LGR5: variants seen among roughly 807,000 people sequenced by gnomAD.
LGR5 encodes the protein leucine-rich repeat-containing G protein-coupled receptor 5.
In LGR5, 54 loss-of-function variants were observed where a neutral mutation model predicts 76.7. The ratio of observed to expected loss-of-function variants is 0.70; its 90% confidence interval spans 0.57 to 0.88. The LOEUF (loss-of-function observed/expected upper bound fraction) is 0.88, where lower values mean the gene tolerates loss of function less well. Among genes scored for constraint, LGR5 ranks in the 40% least tolerant of loss-of-function variants. The pLI, the probability that LGR5 is intolerant of heterozygous loss-of-function variation, is 0.00. For synonymous variants in LGR5, 406 were observed against 421.9 expected, an observed-to-expected ratio of 0.96 and a Z score of 0.46; for missense variants, 1,078 against 1,073.3, an observed-to-expected ratio of 1.00 and a Z score of -0.06.
intron 8 of LGR5, 80 bp downstream of exon 8, chr12:71,561,932 A>G: frequency 1.2e-6 from 1 of 864,630 alleles, no homozygotes; most frequent in Non-Finnish European, 1.8e-6. Context: ...TGAATATTCT[A>G]TATTTGCCTG....
intron 1 of LGR5, among the ~76,000 whole-genome samples, chr12:71,493,114 T>C (rs1203479634): frequency 1.3e-5 from 2 of 151,366 alleles, no homozygotes; most frequent in Non-Finnish European, 2.9e-5. Context: ...AATCAGAAAC[T>C]AATTTATTTC....
rs1226960703 is a variant in LGR5 at position 71,566,624 on chromosome 12, C to A, written c.930-8C>A. 3 of 1,609,460 alleles carry A rather than the reference C, an allele frequency of 1.9e-6. No individual in the cohort carries two copies. Among genetic ancestry groups the A allele is most frequent in the Non-Finnish European group, 1.7e-6 (2 of 1,175,978 alleles). ...CTACCAGTAATACTTATATACTCCT[C>A]TTTCTAGGACTCTGAATGGTGCCTC... is the stretch of plus-strand genomic sequence containing the variant. On this transcript the variant is annotated splice_region_variant and splice_polypyrimidine_tract_variant and intron_variant, in intron 9 of 17. Transcript: ENST00000266674.
At position 71,440,120 on chromosome 12, in the gene LGR5, G is replaced by GTGC. The variant is rs1281260116; in HGVS notation, c.47_49dup (p.Leu16dup). 1 of 1,607,752 alleles carries GTGC rather than the reference G, an allele frequency of 6.2e-7. No individual in the cohort carries two copies. ...GCTCGGTGTGCTCCTGTCCTTGCCT[G>GTGC]TGCTGCTGCAGCTGGCGACCGGGGG... is the stretch of plus-strand genomic sequence containing the variant. On this transcript the variant is annotated inframe_insertion, in exon 1 of 18. Coordinates refer to ENST00000266674, the MANE Select transcript of LGR5 (RefSeq NM_003667.4). This position sits in a 1 kb window ranked among gnomAD's most constrained non-coding sequence, Gnocchi z 5.3.
intron 8 of LGR5, among the ~76,000 whole-genome samples, chr12:71,563,896 G>C (rs7296236): frequency 0.14 from 19,845 of 142,586 alleles, 2,375 homozygotes; most frequent in East Asian, 0.43. Flanking sequence ...TATATATACT[G>C]TGTGTATACA....
At chr12:71,536,450 G>T (rs1324974640) in intron 4 of LGR5, among the ~76,000 whole-genome samples, 9 of 152,290 alleles carry the variant, frequency 5.9e-5, no homozygotes, top group Admixed American at 4.6e-4. Flanking sequence ...AGCCCACAAG[G>T]GCCCCTTTGT....
intron 5 of LGR5, among the ~76,000 whole-genome samples, chr12:71,556,082 A>G (rs1877743431): frequency 6.6e-6 from 1 of 152,130 alleles, no homozygotes; most frequent in African/African-American, 2.4e-5. Context: ...AAAACCAAAT[A>G]CTGAATGTTC....
At chr12:71,574,310 A>AAAC (rs1878753047) in intron 13 of LGR5, among the ~76,000 whole-genome samples, 1 of 149,786 alleles carries the variant, frequency 6.7e-6, no homozygotes, top group African/African-American at 2.4e-5. Context: ...TCAAAAAAAA[A>AAAC]AAAAAAAAAA....
intron 11 of LGR5, among the ~76,000 whole-genome samples, chr12:71,568,377 C>T (rs1878448692): frequency 6.6e-6 from 1 of 152,190 alleles, no homozygotes; most frequent in African/African-American, 2.4e-5. Flanking sequence ...CCACTTCCTT[C>T]AGAGGGTTCT....
chr12:71,502,168 C>T (rs1019875788), intron 1 of LGR5, among the ~76,000 whole-genome samples: 4 of 149,828 alleles, frequency 2.7e-5, no homozygotes, highest in Non-Finnish European at 5.9e-5. Flanking sequence ...GTTATTAATT[C>T]CTGTTGGAAA....
chr12:71,505,700 C>A (rs1874817989), intron 2 of LGR5, among the ~76,000 whole-genome samples: 3 of 152,072 alleles, frequency 2.0e-5, no homozygotes, highest in Non-Finnish European at 4.4e-5. Flanking sequence ...AAATTTCTCC[C>A]CTCTGGAGTT....
chr12:71,560,455 G>A (rs1421512360), intron 7 of LGR5, among the ~76,000 whole-genome samples: 3 of 152,240 alleles, frequency 2.0e-5, no homozygotes, highest in East Asian at 3.9e-4. Flanking sequence ...TGTTTGTCTC[G>A]TTATCCCAGG....
chr12:71,544,589 G>T (rs550381734), intron 4 of LGR5, among the ~76,000 whole-genome samples: 3 of 148,644 alleles, frequency 2.0e-5, no homozygotes, highest in African/African-American at 4.9e-5. Flanking sequence ...TTATTGCAAA[G>T]AATTAATATA....
At chr12:71,491,732 A>G (rs1432946274) in intron 1 of LGR5, among the ~76,000 whole-genome samples, 1 of 150,210 alleles carries the variant, frequency 6.7e-6, no homozygotes, top group Non-Finnish European at 1.5e-5. Context: ...AAAGGCAAAC[A>G]AGTATTGGCT....
intron 4 of LGR5, among the ~76,000 whole-genome samples, chr12:71,545,754 T>A (rs143760693): frequency 2.0e-5 from 3 of 152,276 alleles, no homozygotes; most frequent in Non-Finnish European, 4.4e-5. Flanking sequence ...CAGATTTGTG[T>A]GATACATTGA....
chr12:71,535,131 C>A lies in LGR5; in HGVS notation c.373C>A (p.Gln125Lys). ...AACATACAGTATGCTGCAGAATAAT[C>A]AGCTAAGACACGTACCCACAGAAGC... ...SLKVLMLQNNQLRHVPTEALQ... is the reference protein window; with the variant it reads ...SLKVLMLQNNKLRHVPTEALQ... Residue 125 changes from glutamine (Q) to lysine (K), a missense_variant, in exon 4 of 18, where the codon CAG becomes AAG. Gln to Lys is a moderately conservative substitution (Grantham distance 53, BLOSUM62 1). Transcript: ENST00000266674. 1 of 1,610,806 alleles carries A rather than the reference C, an allele frequency of 6.2e-7. No individual in the cohort carries two copies. The highest frequency in any genetic ancestry group is 1.1e-5 in the South Asian group (1 of 90,962).
chr12:71,584,983 TCAAAAAAGCA>T lies in LGR5; in HGVS notation c.*250_*259del. 1 of 401,692 alleles carries T rather than the reference TCAAAAAAGCA, an allele frequency of 2.5e-6. No individual in the cohort carries two copies. Among genetic ancestry groups the T allele is most frequent in the Non-Finnish European group, 4.4e-6 (1 of 226,734 alleles). 24.9% of individuals were successfully genotyped at this position (401,692 alleles called of 1,614,324 possible). A position where few individuals can be genotyped will look rare whatever the true frequency, so the allele number is the denominator to read the frequency against. On this transcript the variant is annotated 3_prime_UTR_variant, in exon 18 of 18. Coordinates refer to ENST00000266674, the MANE Select transcript of LGR5 (RefSeq NM_003667.4). ...ATCACACTATTTAAGTGAGCCCAGATCAAAAAAGCAGATTGAAATTTTCTTTAGAAAAGAT... is the reference window on the plus strand; with the variant it reads ...ATCACACTATTTAAGTGAGCCCAGATGATTGAAATTTTCTTTAGAAAAGAT...
intron 13 of LGR5, 35 bp from the exon 14 acceptor site, chr12:71,577,890 T>A: frequency 7.4e-7 from 1 of 1,358,236 alleles, no homozygotes; most frequent in Non-Finnish European, 1.1e-6. Context: ...TTCTTTATTC[T>A]ATATAATTCT....
intron 1 of LGR5, among the ~76,000 whole-genome samples, chr12:71,468,841 A>C (rs1467630590): frequency 1.3e-5 from 2 of 151,852 alleles, no homozygotes; most frequent in African/African-American, 4.8e-5. Flanking sequence ...CTGTATTCAG[A>C]AGGTACTCAT....
chr12:71,528,392 G>A (rs965955268), intron 3 of LGR5, among the ~76,000 whole-genome samples: 9 of 152,086 alleles, frequency 5.9e-5, no homozygotes, highest in Non-Finnish European at 1.2e-4. Flanking sequence ...AGCCTAGGAG[G>A]TTGGGGCTAC....
Sources: gnomAD v4.1 joint callset for allele counts (sites outside exome capture counted in the v4.1 genomes callset) on GRCh38, gnomAD v4.1.1 for gene constraint, Gnocchi (gnomAD v3.1) non-coding constraint, MANE v1.5 for transcripts, NCBI Gene and HGNC (gene_info 2026-07-23, HGNC 2026-07-21) for gene names.